Variants in REV3L observed in about 807,000 individuals in gnomAD.
REV3L encodes the protein REV3 like, DNA directed polymerase zeta catalytic subunit, also known as DNA polymerase zeta catalytic subunit.
Under a neutral mutation model 299.4 loss-of-function variants are expected in REV3L, and 69 were observed. The observed-to-expected ratio is 0.23, with a 90% CI of 0.19 to 0.28. REV3L has a LOEUF of 0.28. REV3L is among the 10% of genes least tolerant of loss of function. REV3L has a pLI of 1.00. For missense variants in REV3L, 3,128 were observed against 3,693.8 expected, an observed-to-expected ratio of 0.85 and a Z score of 3.97; for synonymous variants, 1,238 against 1,271.4, an observed-to-expected ratio of 0.97 and a Z score of 0.56.
chr6:111,466,179 G>T (rs1791490445), intron 1 of REV3L, among the ~76,000 whole-genome samples: 2 of 152,014 alleles, frequency 1.3e-5, no homozygotes. Flanking sequence ...CATTTTTAAT[G>T]TATTTTAAAG....
chr6:111,335,718 A>C (rs551289049), intron 21 of REV3L, 108 bp from the exon 22 acceptor site: 1 of 1,102,510 alleles, frequency 9.1e-7, no homozygotes, highest in African/African-American at 1.6e-5. Context: ...AGGTTACTTA[A>C]GGAAAGAGTA....
intron 23 of REV3L, 85 bp from the exon 24 acceptor site, chr6:111,331,869 C>G: frequency 2.4e-6 from 2 of 841,596 alleles, no homozygotes; most frequent in East Asian, 2.6e-5. Flanking sequence ...TTTCTAACTC[C>G]ATTAGAAATT....
chr6:111,314,758 T>C (rs1582469121), intron 27 of REV3L, among the ~76,000 whole-genome samples: 2 of 152,038 alleles, frequency 1.3e-5, no homozygotes, highest in Admixed American at 6.6e-5. Flanking sequence ...TACACAATAA[T>C]AGTTACTGGA....
rs545985239 is a variant in REV3L at position 111,304,807 on chromosome 6, T to C, written c.9252+2554A>G. ...CTAGTGTTCATCATTCCCATCTTTATGTCCATGAGTACCCAATGTTCATTA... is the reference window on the plus strand; with the variant it reads ...CTAGTGTTCATCATTCCCATCTTTACGTCCATGAGTACCCAATGTTCATTA... On this transcript the variant is annotated intron_variant, in intron 31 of 31. Transcript: ENST00000368802. 7.2e-5 allele frequency among the ~76,000 whole-genome samples: 11 copies of C among 152,266 alleles called. No individual in the cohort carries two copies. The South Asian group carries it at 2.3e-3, about 32-fold the overall frequency.
In REV3L at chr6:111,363,905, T is replaced by G; in HGVS notation, c.6827A>C (p.Tyr2276Ser). ...GTTTTGTATGCTGACTTTGAAACCG[T>G]AAGTATTGTTTAAAGATGGTCCATC... is the stretch of plus-strand genomic sequence containing the variant. ...QIDGPSLNNT[Y>S]GFKVSIQNLQ... is the part of the protein sequence containing the mutation. Residue 2276 changes from tyrosine (Y) to serine (S), a missense_variant, in exon 16 of 32, where the codon TAC becomes TCC. By Grantham distance (144) the Tyr-to-Ser change is moderately radical (BLOSUM62 -2). Coordinates refer to ENST00000368802, the MANE Select transcript of REV3L (RefSeq NM_001372078.1). The G allele has an allele frequency of 1.2e-6, 2 of 1,613,556 alleles. No individual in the cohort carries two copies. The highest frequency in any genetic ancestry group is 1.7e-6 in the Non-Finnish European group (2 of 1,179,724).
chr6:111,464,573 ACTTATATGCAGT>A (rs1246796161), intron 1 of REV3L, among the ~76,000 whole-genome samples: 16 of 152,244 alleles, frequency 1.1e-4, no homozygotes, highest in Non-Finnish European at 1.8e-4. Flanking sequence ...AAAAAGACAG[ACTTATATGCAGT>A]CTAAGATATA....
intron 1 of REV3L, among the ~76,000 whole-genome samples, chr6:111,437,187 A>G (rs1376626118): frequency 2.6e-5 from 4 of 152,240 alleles, no homozygotes; most frequent in Non-Finnish European, 5.9e-5. Context: ...TAGTTCTTCA[A>G]AAAGTTAAAA....
intron 1 of REV3L, among the ~76,000 whole-genome samples, chr6:111,426,625 TG>T (rs1408705094): frequency 6.6e-6 from 1 of 152,220 alleles, no homozygotes; most frequent in East Asian, 1.9e-4. Flanking sequence ...AGTAGTTTGA[TG>T]ATTAATATGA....
Position 111,376,193 on chromosome 6 carries a change from G to C in REV3L, c.2162C>G (p.Ser721Cys), listed in dbSNP as rs748286892. The C allele has an allele frequency of 6.2e-7, 1 of 1,612,766 alleles. No homozygotes were observed. The highest frequency in any genetic ancestry group is 1.7e-5 in the Admixed American group (1 of 59,936). The change falls in exon 13 of 32, where the codon TCT becomes TGT. Residue 721 changes from serine (S) to cysteine (C), a missense_variant. Physicochemically the swap from Ser to Cys is moderately radical, Grantham distance 112 (BLOSUM62 -1). This residue lies in a region of REV3L where 2,409 missense variants were observed against 2,611.8 expected (regional missense o/e 0.92). Coordinates refer to ENST00000368802, the MANE Select transcript of REV3L (RefSeq NM_001372078.1). ...GCTGTTTCCTTTTTCATTTCCTTCA[G>C]AGGATACTTTATTTTTTGAATGATT... ...DLNHSKNKVS[S>C]EGNEKGNSTA...
At chr6:111,316,288 G>C (rs141128383) in intron 26 of REV3L, among the ~76,000 whole-genome samples, 1 of 151,546 alleles carries the variant, frequency 6.6e-6, no homozygotes, top group East Asian at 1.9e-4. Flanking sequence ...CAAAATAAGA[G>C]ACTATATGAT....
chr6:111,351,555 A>G, intron 19 of REV3L, 121 bp downstream of exon 19: 1 of 596,986 alleles, frequency 1.7e-6, no homozygotes, highest in Non-Finnish European at 2.9e-6. Context: ...TATATCTAAA[A>G]CTTACACAAC....
At chr6:111,470,007 C>T (rs549965262) in intron 1 of REV3L, among the ~76,000 whole-genome samples, 2 of 152,266 alleles carry the variant, frequency 1.3e-5, no homozygotes, top group Non-Finnish European at 1.5e-5. Flanking sequence ...TATTTAATTA[C>T]ACTGAACTTA....
upstream of REV3L, chr6:111,483,266 G>A (rs1051292800): frequency 2.1e-6 from 1 of 484,064 alleles, no homozygotes. Flanking sequence ...TGTGGCGAAG[G>A]GAGGCTGCGA....
At chr6:111,357,470 A>T (rs912923652) in intron 17 of REV3L, among the ~76,000 whole-genome samples, 1 of 152,164 alleles carries the variant, frequency 6.6e-6, no homozygotes, top group Non-Finnish European at 1.5e-5. Context: ...AGGCAGGCGG[A>T]TCACGAGGTC....
At chr6:111,379,830 C>T in intron 11 of REV3L, 152 bp downstream of exon 11, 10 of 636,674 alleles carry the variant, frequency 1.6e-5, no homozygotes, top group South Asian at 3.8e-5. Context: ...GAGTATACGC[C>T]ATATGAAAAA....
intron 1 of REV3L, among the ~76,000 whole-genome samples, chr6:111,481,983 G>C (rs1315027745): frequency 2.0e-5 from 3 of 152,172 alleles, no homozygotes; most frequent in African/African-American, 7.2e-5. Context: ...TGCTGAGTCT[G>C]GCTGTGGTTC....
At chr6:111,452,574 C>T (rs534336198) in intron 1 of REV3L, among the ~76,000 whole-genome samples, 91 of 152,132 alleles carry the variant, frequency 6.0e-4, no homozygotes, top group African/African-American at 2.2e-3. Flanking sequence ...ATAAGAAAGT[C>T]TAGAAATGGC....
chr6:111,392,123 AATGTCAAGG>A (rs1238476553), intron 5 of REV3L, among the ~76,000 whole-genome samples: 8 of 152,268 alleles, frequency 5.3e-5, no homozygotes, highest in African/African-American at 1.9e-4. Context: ...TTATGTTGTA[AATGTCAAGG>A]ATGAATATTC....
intron 1 of REV3L, among the ~76,000 whole-genome samples, chr6:111,419,758 G>T (rs895382353): frequency 6.6e-6 from 1 of 152,158 alleles, no homozygotes; most frequent in Non-Finnish European, 1.5e-5. Flanking sequence ...ACTTCTAGAA[G>T]TTCCACATAC....
Sources: gnomAD v4.1 joint callset for allele counts (sites outside exome capture counted in the v4.1 genomes callset) on GRCh38, gnomAD v4.1.1 for gene constraint, gnomAD v4.1.1 regional missense constraint, MANE v1.5 for transcripts, NCBI Gene and HGNC (gene_info 2026-07-23, HGNC 2026-07-21) for gene names.